Variants in LLGL2 observed in about 807,000 individuals in gnomAD.
The protein encoded by LLGL2 is LLGL2, scribble cell polarity complex component.
In LLGL2, 81 loss-of-function variants were observed where a neutral mutation model predicts 123.2. That is an observed-to-expected ratio of 0.66 (90% CI 0.55 to 0.79). LLGL2 has a LOEUF of 0.79. Ranked by LOEUF, LLGL2 falls within the 30% of genes least tolerant of loss-of-function variation. The pLI is 0.00. For synonymous variants in LLGL2, 577 were observed against 594.1 expected (o/e 0.97, Z 0.42); for missense variants, 1,273 against 1,414.6 (o/e 0.90, Z 1.61).
intron 10 of LLGL2, chr17:75,568,072 A>C: frequency 9.3e-7 from 1 of 1,080,626 alleles, no homozygotes; most frequent in Non-Finnish European, 1.1e-6. Context: ...ACCCCTAGCA[A>C]CTGGTGTGCT....
intron 1 of LLGL2, among the ~76,000 whole-genome samples, chr17:75,529,129 C>T (rs2053681757): frequency 7.9e-6 from 1 of 126,540 alleles, no homozygotes; most frequent in South Asian, 2.9e-4. Context: ...GCACTCCAGC[C>T]TGGGCAATAG....
At position 75,574,683 on chromosome 17, in the gene LLGL2, C is replaced by T; in HGVS notation, c.3055+15C>T. On this transcript the variant is annotated intron_variant, in intron 25 of 25. Coordinates refer to ENST00000392550, the MANE Select transcript of LLGL2 (RefSeq NM_001031803.2). The stretch of plus-strand genomic sequence containing the variant: ...CAATGGCGGAGGTGGGGGCTCTGGG[C>T]TTGAGTGCAGCTGCCAACCGTGCTG... 6.2e-7 allele frequency: 1 copy of T among 1,609,120 alleles called. No homozygotes were observed. The highest frequency in any genetic ancestry group is 8.5e-7 in the Non-Finnish European group (1 of 1,178,830).
chr17:75,554,610 C>A (rs2054821840), intron 2 of LLGL2, among the ~76,000 whole-genome samples: 1 of 150,294 alleles, frequency 6.7e-6, no homozygotes, highest in Admixed American at 6.6e-5. Flanking sequence ...CAGAGTGAGA[C>A]CCTCAAAAAA....
At chr17:75,527,390 G>A (rs1261617405) in intron 1 of LLGL2, among the ~76,000 whole-genome samples, 2 of 152,078 alleles carry the variant, frequency 1.3e-5, no homozygotes, top group Admixed American at 1.3e-4. Flanking sequence ...TCTGAAGTTA[G>A]ACTGGGCCCA....
intron 1 of LLGL2, among the ~76,000 whole-genome samples, chr17:75,541,966 G>A (rs2054228972): frequency 6.6e-6 from 1 of 151,666 alleles, no homozygotes; most frequent in African/African-American, 2.4e-5. Flanking sequence ...CTTGACCTGA[G>A]GTGATCCACC....
At chr17:75,541,921 A>G (rs998448461) in intron 1 of LLGL2, among the ~76,000 whole-genome samples, 1 of 151,288 alleles carries the variant, frequency 6.6e-6, no homozygotes, top group Admixed American at 6.6e-5. Context: ...AGTAGAGACG[A>G]GGTTTCACCA....
Position 75,544,696 on chromosome 17 carries a change from G to T in LLGL2, c.75+1195G>T, listed in dbSNP as rs141145363. Among the ~76,000 whole-genome samples, 155 of 152,248 alleles carry T rather than the reference G, an allele frequency of 1.0e-3. 1 individual carries two copies. Among genetic ancestry groups the T allele is most frequent in the African/African-American group, 3.6e-3 (151 of 41,556 alleles). ...CTCCCTGTTGGGAGAGGTGGGTCGT[G>T]GGGTGGAGGGACCTCCCTGACCTCC... On this transcript the variant is annotated intron_variant, in intron 2 of 25. Coordinates refer to ENST00000392550, the MANE Select transcript of LLGL2 (RefSeq NM_001031803.2). The surrounding 1 kb of genome is among the most constrained non-coding windows in gnomAD (Gnocchi z 4.2).
chr17:75,538,325 C>G (rs1047763971), intron 1 of LLGL2, among the ~76,000 whole-genome samples: 1 of 152,198 alleles, frequency 6.6e-6, no homozygotes, highest in Admixed American at 6.5e-5. Flanking sequence ...TTTGTCATCT[C>G]TCTCATGTCA....
chr17:75,573,692 T>C, intron 21 of LLGL2, 61 bp downstream of exon 21: 1 of 1,320,540 alleles, frequency 7.6e-7, no homozygotes, highest in East Asian at 3.0e-5. Flanking sequence ...CTCTCTGAGA[T>C]ACCGAGGCTC....
Position 75,571,757 on chromosome 17 carries a change from T to C in LLGL2, c.2267T>C (p.Met756Thr), listed in dbSNP as rs754652204. 1.2e-6 allele frequency: 2 copies of C among 1,608,564 alleles called. No homozygotes were observed. Among genetic ancestry groups the C allele is most frequent in the East Asian group, 2.2e-5 (1 of 44,868 alleles). The change falls in exon 18 of 26, where the codon ATG becomes ACG. Residue 756 changes from methionine to threonine, a missense_variant. Met to Thr is a moderately conservative substitution (Grantham distance 81, BLOSUM62 -1). Coordinates refer to ENST00000392550, the MANE Select transcript of LLGL2 (RefSeq NM_001031803.2). The stretch of plus-strand genomic sequence containing the variant: ...CGTGTGCCTCCCGCCGAGCGGAGAA[T>C]GGATGAGCCTGTGCGGGCAGAGCAG... ...SLRVPPAERRMDEPVRAEQAK... is the reference protein window; with the variant it reads ...SLRVPPAERRTDEPVRAEQAK...
chr17:75,575,141 G>C lies in LLGL2; in HGVS notation c.*263G>C. 1 of 580,952 alleles carries C rather than the reference G, an allele frequency of 1.7e-6. No individual in the cohort carries two copies. Among genetic ancestry groups the C allele is most frequent in the Non-Finnish European group, 3.1e-6 (1 of 325,584 alleles). 36.0% of individuals were successfully genotyped at this position (580,952 alleles called of 1,614,324 possible). A position where few individuals can be genotyped will look rare whatever the true frequency, so the allele number is the denominator to read the frequency against. On this transcript the variant is annotated 3_prime_UTR_variant, in exon 26 of 26. Transcript: ENST00000392550. ...TCCCATCCCTTTTTGTAGTGGGCTG[G>C]GTTTTAAGTTATAAATGTTAACTGC...
At chr17:75,561,796 C>T (rs1002217772) in intron 6 of LLGL2, among the ~76,000 whole-genome samples, 1 of 151,882 alleles carries the variant, frequency 6.6e-6, no homozygotes. Flanking sequence ...GTTGTGGGTG[C>T]CTGTAATCCC....
At chr17:75,528,519 G>T (rs568920653) in intron 1 of LLGL2, among the ~76,000 whole-genome samples, 1 of 152,050 alleles carries the variant, frequency 6.6e-6, no homozygotes, top group Non-Finnish European at 1.5e-5. Flanking sequence ...TGGGCCGATC[G>T]CCTGAGGTCA....
chr17:75,558,037 G>A lies in LLGL2; in HGVS notation c.174-118G>A. On this transcript the variant is annotated intron_variant, in intron 3 of 25. Coordinates refer to ENST00000392550, the MANE Select transcript of LLGL2 (RefSeq NM_001031803.2). This position sits in a 1 kb window ranked among gnomAD's most constrained non-coding sequence, Gnocchi z 4.0. ...TCCATGCATGGGTCCTGCTGCCTCG[G>A]GGGAGGGCAGCCCCTCTCTGTGTTT... 1 of 979,738 alleles carries A rather than the reference G, an allele frequency of 1.0e-6. No homozygotes were observed. Among genetic ancestry groups the A allele is most frequent in the Non-Finnish European group, 1.6e-6 (1 of 609,876 alleles). The allele number at this position is 979,738 out of a possible 1,614,324, so 60.7% of individuals were successfully genotyped here.
chr17:75,560,637 C>T (rs1598602466), intron 6 of LLGL2, among the ~76,000 whole-genome samples: 1 of 150,944 alleles, frequency 6.6e-6, no homozygotes, highest in African/African-American at 2.4e-5. Context: ...CAGGCATGCG[C>T]TACCACACCC....
rs1212723248 is a variant in LLGL2 at position 75,556,075 on chromosome 17, C to T, written c.105C>T (p.Pro35=). The T allele has an allele frequency of 6.2e-7, 1 of 1,609,658 alleles. No homozygotes were observed. Residue 35 remains proline (P), a synonymous_variant, in exon 3 of 26, where the codon CCC becomes CCT. Coordinates refer to ENST00000392550, the MANE Select transcript of LLGL2 (RefSeq NM_001031803.2). ...TGGAGCATGGCTTCCCGCACCAGCC[C>T]AGCGCCCTCGGCTACAGCCCGTCCC... ...KTVEHGFPHQ[P]SALGYSPSLR...
chr17:75,525,195 C>G (rs1425324567), upstream of LLGL2: 1 of 152,244 alleles, frequency 6.6e-6, no homozygotes. The surrounding 1 kb of genome is among the most constrained non-coding windows in gnomAD (Gnocchi z 4.8). Flanking sequence ...CCCCGCACCC[C>G]CCCCCGAGGA....
At chr17:75,573,868 T>A (rs946516860) in intron 21 of LLGL2, 84 bp from the exon 22 acceptor site, 2 of 1,478,658 alleles carry the variant, frequency 1.4e-6, no homozygotes, top group African/African-American at 2.8e-5. Flanking sequence ...GCTGCGCCAT[T>A]GACTTGTTCT....
chr17:75,552,403 C>T (rs1292861013), intron 2 of LLGL2, among the ~76,000 whole-genome samples: 2 of 152,196 alleles, frequency 1.3e-5, no homozygotes, highest in African/African-American at 2.4e-5. Flanking sequence ...GCGGGAGGAT[C>T]ACTTGAACCA....
Sources: gnomAD v4.1 joint callset for allele counts (sites outside exome capture counted in the v4.1 genomes callset) on GRCh38, gnomAD v4.1.1 for gene constraint, Gnocchi (gnomAD v3.1) non-coding constraint, MANE v1.5 for transcripts, NCBI Gene and HGNC (gene_info 2026-07-23, HGNC 2026-07-21) for gene names.